Variants in ERBB4 observed in about 807,000 individuals in gnomAD.
The protein encoded by ERBB4 is erb-b2 receptor tyrosine kinase 4, also known as receptor tyrosine-protein kinase erbB-4.
ERBB4 carries 42 observed loss-of-function variants against 158.0 expected under a neutral mutation model. The observed-to-expected ratio is 0.27, with a 90% CI of 0.21 to 0.34. The LOEUF (loss-of-function observed/expected upper bound fraction) is 0.34, where lower values mean the gene tolerates loss of function less well. ERBB4 is among the 10% of genes least tolerant of loss of function. The probability of loss-of-function intolerance (pLI) is 1.00; values close to 1 mark genes in which losing one functional copy is unlikely to be tolerated. For synonymous variants in ERBB4, 583 were observed against 558.7 expected (o/e 1.04, Z -0.61); for missense variants, 1,333 against 1,624.1 (o/e 0.82, Z 3.08).
intron 4 of ERBB4, among the ~76,000 whole-genome samples, chr2:211,782,490 T>C (rs1036788645): frequency 6.6e-6 from 1 of 152,152 alleles, no homozygotes; most frequent in South Asian, 2.1e-4. Flanking sequence ...GGTAAGGAGA[T>C]AGAGTGACTG....
At chr2:211,813,623 T>C (rs1238744408) in intron 3 of ERBB4, among the ~76,000 whole-genome samples, 1 of 152,076 alleles carries the variant, frequency 6.6e-6, no homozygotes, top group African/African-American at 2.4e-5. Flanking sequence ...TTTCTGGGAG[T>C]TTTTTTCCCC....
intron 1 of ERBB4, among the ~76,000 whole-genome samples, chr2:212,298,885 T>C (rs941405167): frequency 4.6e-5 from 7 of 151,590 alleles, no homozygotes; most frequent in Non-Finnish European, 1.0e-4. Context: ...AATAATTACC[T>C]CAAATAGTTA....
chr2:212,391,602 C>T (rs1179789459), intron 1 of ERBB4, among the ~76,000 whole-genome samples: 4 of 142,070 alleles, frequency 2.8e-5, no homozygotes, highest in African/African-American at 1.1e-4. Context: ...TCCTGTACAG[C>T]AATGTGAATA....
At chr2:211,605,697 G>A (rs2068956384) in intron 19 of ERBB4, among the ~76,000 whole-genome samples, 1 of 151,980 alleles carries the variant, frequency 6.6e-6, no homozygotes, top group African/African-American at 2.4e-5. Flanking sequence ...TCATACTATA[G>A]CTACTAAGTC....
chr2:212,247,440 A>G (rs17418016), intron 1 of ERBB4, among the ~76,000 whole-genome samples: 23,381 of 152,152 alleles, frequency 0.15, 2,218 homozygotes, highest in Non-Finnish European at 0.2. Context: ...TGGGGTTAAG[A>G]GATCTGTGGC....
chr2:211,498,666 A>G (rs1574612926), intron 20 of ERBB4, among the ~76,000 whole-genome samples: 1 of 152,132 alleles, frequency 6.6e-6, no homozygotes, highest in Non-Finnish European at 1.5e-5. Flanking sequence ...AGCTTTTCTC[A>G]TATTTTCCAA....
At position 212,356,029 on chromosome 2, in the gene ERBB4, T is replaced by C. The variant is rs73987390; in HGVS notation, c.82+182420A>G. On this transcript the variant is annotated intron_variant, in intron 1 of 27. Coordinates refer to ENST00000342788, the MANE Select transcript of ERBB4 (RefSeq NM_005235.3). Reference sequence around the variant, plus strand: ...ATTAATTCCTCTTTATATATAGTAATGCATTTCAAATAAACTCCCAGAGGG... The same window carrying C: ...ATTAATTCCTCTTTATATATAGTAACGCATTTCAAATAAACTCCCAGAGGG... 5.3e-3 allele frequency among the ~76,000 whole-genome samples: 801 copies of C among 152,158 alleles called. 5 individuals are homozygous for C. Among genetic ancestry groups the C allele is most frequent in the African/African-American group, 0.018 (749 of 41,550 alleles).
At chr2:212,342,066 C>G (rs1170621175) in intron 1 of ERBB4, among the ~76,000 whole-genome samples, 2 of 152,070 alleles carry the variant, frequency 1.3e-5, no homozygotes, top group Non-Finnish European at 2.9e-5. Flanking sequence ...GGAGACCAAC[C>G]TGGGCAACAT....
intron 3 of ERBB4, among the ~76,000 whole-genome samples, chr2:211,862,663 C>T (rs1288168941): frequency 6.6e-6 from 1 of 152,024 alleles, no homozygotes; most frequent in Non-Finnish European, 1.5e-5. Context: ...AGATACTTTG[C>T]TCAAAGAATT....
At chr2:211,726,467 T>C (rs1341256735) in intron 5 of ERBB4, among the ~76,000 whole-genome samples, 1 of 152,170 alleles carries the variant, frequency 6.6e-6, no homozygotes, top group Non-Finnish European at 1.5e-5. Context: ...GTATTTCTTT[T>C]CTAAGTTCCC....
intron 3 of ERBB4, among the ~76,000 whole-genome samples, chr2:211,842,985 A>G (rs1435152302): frequency 1.3e-5 from 2 of 152,108 alleles, no homozygotes; most frequent in Non-Finnish European, 2.9e-5. Context: ...AAGTTATAAA[A>G]CAGTTAAAAT....
At chr2:211,983,225 G>A (rs2081852736) in intron 2 of ERBB4, among the ~76,000 whole-genome samples, 1 of 152,148 alleles carries the variant, frequency 6.6e-6, no homozygotes, top group Admixed American at 6.6e-5. Context: ...TGGCATGGAT[G>A]GAGGCAGAGG....
chr2:211,377,242 T>C lies in ERBB4; in HGVS notation c.*6373A>G, dbSNP rs1167602261. ...TTTGAAAACCAGATTCGTGTCAATATACAGGAGGTATGATTTGCTTTCCTT... is the reference window on the plus strand; with the variant it reads ...TTTGAAAACCAGATTCGTGTCAATACACAGGAGGTATGATTTGCTTTCCTT... On this transcript the variant is annotated 3_prime_UTR_variant, in exon 28 of 28. Coordinates refer to ENST00000342788, the MANE Select transcript of ERBB4 (RefSeq NM_005235.3). The C allele has an allele frequency of 8.6e-6, 2 of 233,004 alleles. No homozygotes were observed. The highest frequency in any genetic ancestry group is 1.7e-5 in the Non-Finnish European group (2 of 117,710). 14.4% of individuals were successfully genotyped at this position (233,004 alleles called of 1,614,324 possible).
chr2:212,365,072 T>C (rs991050532), intron 1 of ERBB4, among the ~76,000 whole-genome samples: 4 of 151,642 alleles, frequency 2.6e-5, no homozygotes, highest in African/African-American at 7.3e-5. Flanking sequence ...TTTCTGGTCA[T>C]TTAATTTTTG....
intron 25 of ERBB4, among the ~76,000 whole-genome samples, chr2:211,413,315 C>A (rs2371268): frequency 0.083 from 4,351 of 52,522 alleles, 580 homozygotes; most frequent in African/African-American, 0.2. Flanking sequence ...TAAAAACACA[C>A]ACACACACAC....
At chr2:212,490,791 C>T (rs1459845564) in intron 1 of ERBB4, among the ~76,000 whole-genome samples, 2 of 151,688 alleles carry the variant, frequency 1.3e-5, no homozygotes, top group African/African-American at 4.8e-5. Flanking sequence ...ATAGCCCTTG[C>T]ATAGTTTATG....
rs574534530 is a variant in ERBB4, at chr2:211,867,137, C to T, written c.422-78978G>A. 2.7e-5 allele frequency among the ~76,000 whole-genome samples: 4 copies of T among 147,812 alleles called. No homozygotes were observed. In the Admixed American group the frequency reaches 2.7e-4, roughly 10 times the overall value. On this transcript the variant is annotated intron_variant, in intron 3 of 27. Coordinates refer to ENST00000342788, the MANE Select transcript of ERBB4 (RefSeq NM_005235.3). The stretch of plus-strand genomic sequence containing the variant: ...AAAAAGTATGAAATGTATAAAATGG[C>T]AACTAATTCCATACATTTATTACGT...
At chr2:211,512,880 C>T (rs754933781) in intron 20 of ERBB4, among the ~76,000 whole-genome samples, 3 of 152,054 alleles carry the variant, frequency 2.0e-5, no homozygotes, top group Non-Finnish European at 4.4e-5. Context: ...GCCATAGTTA[C>T]CTCACAAGTT....
intron 20 of ERBB4, among the ~76,000 whole-genome samples, chr2:211,515,358 T>C (rs1355527217): frequency 6.6e-6 from 1 of 151,996 alleles, no homozygotes; most frequent in African/African-American, 2.4e-5. Context: ...GGCAAGAAGA[T>C]GATGGTTTAA....
Sources: allele counts gnomAD v4.1 joint callset (sites outside exome capture counted in the v4.1 genomes callset), GRCh38; gene constraint gnomAD v4.1.1; transcripts MANE v1.5; gene names NCBI Gene and HGNC (gene_info 2026-07-23, HGNC 2026-07-21).